TNKS2: variants seen among roughly 807,000 people sequenced by gnomAD.
The protein encoded by TNKS2 is tankyrase 2, also known as poly [ADP-ribose] polymerase tankyrase-2.
TNKS2 carries 72 observed loss-of-function variants against 137.6 expected under a neutral mutation model. That is an observed-to-expected ratio of 0.52 (90% confidence interval 0.43 to 0.64). The LOEUF (loss-of-function observed/expected upper bound fraction) is 0.64, where lower values mean the gene tolerates loss of function less well. Among genes scored for constraint, TNKS2 ranks in the 30% least tolerant of loss-of-function variants. TNKS2 has a pLI of 0.00. For missense variants in TNKS2, 1,049 were observed against 1,410.2 expected (o/e 0.74, Z 4.10); for synonymous variants, 516 against 512.1 (o/e 1.01, Z -0.10).
intron 6 of TNKS2, 90 bp from the exon 7 acceptor site, chr10:91,822,206 A>C (rs1045155469): frequency 4.0e-6 from 4 of 994,180 alleles, no homozygotes; most frequent in Middle Eastern, 2.3e-4. Flanking sequence ...CTATTTAAGT[A>C]TAAGTAATTA....
chr10:91,803,562 G>A (rs1163933436), intron 1 of TNKS2, among the ~76,000 whole-genome samples: 2 of 152,210 alleles, frequency 1.3e-5, no homozygotes, highest in African/African-American at 4.8e-5. Flanking sequence ...AGGATTACTT[G>A]AGCCAAGGCT....
chr10:91,801,936 T>C (rs1381589493), intron 1 of TNKS2, among the ~76,000 whole-genome samples: 5 of 152,190 alleles, frequency 3.3e-5, no homozygotes, highest in African/African-American at 7.2e-5. Context: ...TGTGAACTTA[T>C]TTCTAAAAAG....
At chr10:91,856,052 T>A (rs1842695494) in intron 23 of TNKS2, among the ~76,000 whole-genome samples, 1 of 152,144 alleles carries the variant, frequency 6.6e-6, no homozygotes, top group Admixed American at 6.5e-5. Flanking sequence ...CATACAATGC[T>A]TATTTTTTTA....
At chr10:91,850,695 G>C (rs1842515826) in intron 20 of TNKS2, among the ~76,000 whole-genome samples, 1 of 152,162 alleles carries the variant, frequency 6.6e-6, no homozygotes, top group African/African-American at 2.4e-5. Flanking sequence ...CTCCAGCCTT[G>C]GCAACGAGAG....
At chr10:91,819,356 TTTTC>T (rs1211194887) in intron 4 of TNKS2, 50 bp downstream of exon 4, 2 of 1,416,338 alleles carry the variant, frequency 1.4e-6, no homozygotes, top group Non-Finnish European at 1.9e-6. Context: ...ACCATTAACT[TTTTC>T]TTTTTTTTTT....
At chr10:91,814,189 T>C (rs747488726) in intron 2 of TNKS2, among the ~76,000 whole-genome samples, 2 of 152,196 alleles carry the variant, frequency 1.3e-5, no homozygotes, top group African/African-American at 2.4e-5. Context: ...GACAGTGATA[T>C]TGATGATCTT....
At chr10:91,826,251 A>G (rs1226638014) in intron 7 of TNKS2, among the ~76,000 whole-genome samples, 1 of 152,256 alleles carries the variant, frequency 6.6e-6, no homozygotes, top group African/African-American at 2.4e-5. Context: ...TAGGTGTGGA[A>G]TTTTCCACTT....
chr10:91,848,301 A>G, intron 18 of TNKS2, 82 bp from the exon 19 acceptor site: 4 of 1,425,258 alleles, frequency 2.8e-6, no homozygotes, highest in Non-Finnish European at 3.7e-6. Flanking sequence ...GGGTTTTCTC[A>G]TATTTTTAAA....
At chr10:91,824,925 A>G (rs1041914871) in intron 7 of TNKS2, among the ~76,000 whole-genome samples, 1 of 152,174 alleles carries the variant, frequency 6.6e-6, no homozygotes, top group Non-Finnish European at 1.5e-5. Context: ...CATTAACTCA[A>G]TTTTAAGTAT....
In TNKS2 at chr10:91,862,098, T is replaced by C; in HGVS notation, c.3381T>C (p.Gly1127=). 6.2e-7 allele frequency: 1 copy of C among 1,613,130 alleles called. No homozygotes were observed. The highest frequency in any genetic ancestry group is 8.5e-7 in the Non-Finnish European group (1 of 1,179,312). ...CTCCAGGTCATCACTCAGTCACTGGTAGGCCCAGTGTAAATGGCCTAGCAT... is the reference window on the plus strand; with the variant it reads ...CTCCAGGTCATCACTCAGTCACTGGCAGGCCCAGTGTAAATGGCCTAGCAT... The part of the protein sequence containing the change: ...HSPPGHHSVT[G]RPSVNGLALA... The change falls in exon 26 of 27, where the codon GGT becomes GGC. Residue 1127 remains glycine, a synonymous_variant. Coordinates refer to ENST00000371627, the MANE Select transcript of TNKS2 (RefSeq NM_025235.4).
chr10:91,838,865 T>G (rs1278806065), intron 13 of TNKS2, among the ~76,000 whole-genome samples: 2 of 152,136 alleles, frequency 1.3e-5, no homozygotes, highest in East Asian at 3.9e-4. Context: ...GATATATTCT[T>G]TTTGTTTGTT....
chr10:91,848,274 T>C, intron 18 of TNKS2, 109 bp from the exon 19 acceptor site: 1 of 1,208,502 alleles, frequency 8.3e-7, no homozygotes, highest in South Asian at 1.7e-5. Flanking sequence ...ATTGTGATAG[T>C]ACTGGCACAA....
intron 1 of TNKS2, among the ~76,000 whole-genome samples, chr10:91,805,836 C>T (rs1218230009): frequency 1.3e-5 from 2 of 152,114 alleles, no homozygotes; most frequent in Non-Finnish European, 2.9e-5. Flanking sequence ...TTTCTAAAAG[C>T]ACTTCCTGCA....
intron 16 of TNKS2, among the ~76,000 whole-genome samples, chr10:91,843,931 C>G (rs1842289338): frequency 6.6e-6 from 1 of 152,190 alleles, no homozygotes; most frequent in South Asian, 2.1e-4. Flanking sequence ...AAACCAATTA[C>G]TCTATGTGTC....
chr10:91,848,300 CAT>C (rs1344037852), intron 18 of TNKS2, 81 bp from the exon 19 acceptor site: 7 of 1,422,622 alleles, frequency 4.9e-6, no homozygotes. Flanking sequence ...TGGGTTTTCT[CAT>C]ATTTTTAAAT....
chr10:91,835,196 G>GGA (rs1554837993), intron 12 of TNKS2, among the ~76,000 whole-genome samples: 4 of 151,150 alleles, frequency 2.6e-5, no homozygotes, highest in Non-Finnish European at 4.4e-5. Flanking sequence ...CTAGCAGATG[G>GGA]AAAAAAAATG....
In TNKS2 at chr10:91,831,640, C is replaced by T. The variant is rs542614359; in HGVS notation, c.1275+459C>T. On this transcript the variant is annotated intron_variant, in intron 11 of 26. Transcript: ENST00000371627. ...ATTATTTAAATAATTTGACTAAAAA[C>T]ATAATAGCTCCCCATGTTGGTAAGT... Among the ~76,000 whole-genome samples the T allele has an allele frequency of 5.3e-5, 8 of 152,272 alleles. No individual in the cohort carries two copies. The East Asian group carries it at 1.5e-3, about 29-fold the overall frequency.
intron 15 of TNKS2, among the ~76,000 whole-genome samples, chr10:91,841,721 A>G (rs1842214415): frequency 1.3e-5 from 2 of 152,220 alleles, no homozygotes; most frequent in East Asian, 3.9e-4. Flanking sequence ...TTTTATATTC[A>G]TCAAATATAA....
At chr10:91,862,870 C>A in intron 26 of TNKS2, 67 bp from the exon 27 acceptor site, 1 of 1,125,830 alleles carries the variant, frequency 8.9e-7, no homozygotes, top group Non-Finnish European at 1.3e-6. Flanking sequence ...AGGAATACTT[C>A]CGGAAAGTCT....
Sources: allele counts gnomAD v4.1 joint callset (sites outside exome capture counted in the v4.1 genomes callset), GRCh38; gene constraint gnomAD v4.1.1; transcripts MANE v1.5; gene names NCBI Gene and HGNC (gene_info 2026-07-23, HGNC 2026-07-21).